FOXP1: variants seen among roughly 807,000 people sequenced by gnomAD.
FOXP1 encodes the protein forkhead box P1.
Under a neutral mutation model 98.2 loss-of-function variants are expected in FOXP1, and 15 were observed. The observed-to-expected ratio is 0.15, with a 90% CI of 0.10 to 0.24. FOXP1 has a LOEUF of 0.24. Ranked by LOEUF, FOXP1 falls within the 10% of genes least tolerant of loss-of-function variation. The pLI is 1.00. For missense variants in FOXP1, 633 were observed against 848.5 expected, an observed-to-expected ratio of 0.75 and a Z score of 3.15; for synonymous variants, 371 against 314.5, an observed-to-expected ratio of 1.18 and a Z score of -1.90.
intron 5 of FOXP1, among the ~76,000 whole-genome samples, chr3:71,246,327 G>A (rs2067748666): frequency 6.6e-6 from 1 of 152,138 alleles, no homozygotes. Flanking sequence ...CTGTGTACCA[G>A]GCATCGAGGC....
chr3:71,381,776 T>C (rs79830590), intron 3 of FOXP1, among the ~76,000 whole-genome samples: 179 of 152,200 alleles, frequency 1.2e-3, no homozygotes, highest in Non-Finnish European at 2.2e-3. Context: ...GAACTCCTTT[T>C]AGTAAATTCT....
At chr3:71,542,438 T>G (rs981998438) in intron 2 of FOXP1, among the ~76,000 whole-genome samples, 1 of 152,210 alleles carries the variant, frequency 6.6e-6, no homozygotes, top group South Asian at 2.1e-4. Flanking sequence ...GAAATCTCGT[T>G]TTTATAGCTG....
chr3:71,158,407 G>T (rs1341198693), intron 6 of FOXP1, among the ~76,000 whole-genome samples: 2 of 151,930 alleles, frequency 1.3e-5, no homozygotes, highest in Non-Finnish European at 2.9e-5. Flanking sequence ...ACAAGTTGCA[G>T]ACAAAGTTAG....
intron 11 of FOXP1, among the ~76,000 whole-genome samples, chr3:71,030,827 C>T (rs570766035): frequency 6.6e-6 from 1 of 152,264 alleles, no homozygotes; most frequent in South Asian, 2.1e-4. Context: ...AAGTAAACTG[C>T]CATTTTTCTC....
intron 4 of FOXP1, among the ~76,000 whole-genome samples, chr3:71,326,638 A>C (rs2075708749): frequency 1.3e-5 from 2 of 152,224 alleles, no homozygotes; most frequent in African/African-American, 4.8e-5. Flanking sequence ...AGCAGAATGC[A>C]ATAAAATCTT....
Position 71,029,220 on chromosome 3 carries a change from A to G in FOXP1, c.869+12108T>C, listed in dbSNP as rs560955028. On this transcript the variant is annotated intron_variant, in intron 11 of 20. Transcript: ENST00000649528. The stretch of plus-strand genomic sequence containing the variant: ...CTGAACATTTCATGTAGTCTCTGCA[A>G]TGAAATTTAGGGCCTACTATATGCC... 2.6e-5 allele frequency among the ~76,000 whole-genome samples: 4 copies of G among 152,286 alleles called. No homozygotes were observed. The South Asian group carries it at 8.3e-4, about 32-fold the overall frequency.
chr3:71,148,035 A>G (rs2060394925), intron 6 of FOXP1, among the ~76,000 whole-genome samples: 1 of 152,224 alleles, frequency 6.6e-6, no homozygotes, highest in Non-Finnish European at 1.5e-5. Flanking sequence ...GCATAAATCA[A>G]TATGGAAATA....
chr3:70,986,682 A>C (rs1270054011), intron 14 of FOXP1, among the ~76,000 whole-genome samples: 6 of 152,198 alleles, frequency 3.9e-5, no homozygotes, highest in Non-Finnish European at 7.3e-5. Context: ...ACAACAGTGA[A>C]TGACCTGGTT....
chr3:71,151,537 C>G (rs898774404), intron 6 of FOXP1, among the ~76,000 whole-genome samples: 3 of 151,820 alleles, frequency 2.0e-5, no homozygotes, highest in Non-Finnish European at 2.9e-5. Context: ...GGAAGAAACA[C>G]GAAGGAACAT....
chr3:71,486,505 G>A (rs1347423185), intron 3 of FOXP1, among the ~76,000 whole-genome samples: 4 of 152,038 alleles, frequency 2.6e-5, no homozygotes, highest in South Asian at 2.1e-4. Flanking sequence ...AAAGTCAACC[G>A]TATCATCCTA....
At chr3:71,421,780 C>T (rs1439071785) in intron 3 of FOXP1, among the ~76,000 whole-genome samples, 1 of 152,166 alleles carries the variant, frequency 6.6e-6, no homozygotes, top group Non-Finnish European at 1.5e-5. Flanking sequence ...CTCAGAATGG[C>T]TGACTTACTC....
chr3:71,551,282 A>G (rs1187516949), intron 2 of FOXP1, among the ~76,000 whole-genome samples: 2 of 152,258 alleles, frequency 1.3e-5, no homozygotes, highest in Non-Finnish European at 2.9e-5. Context: ...AAAGTGTGCT[A>G]TAAAACAAAA....
At chr3:71,324,103 C>A (rs2075547548) in intron 4 of FOXP1, among the ~76,000 whole-genome samples, 1 of 151,798 alleles carries the variant, frequency 6.6e-6, no homozygotes, top group Non-Finnish European at 1.5e-5. Flanking sequence ...ATTTATAATT[C>A]ATACTCTATG....
At chr3:71,305,593 T>C (rs2074216183) in intron 4 of FOXP1, 1 of 152,338 alleles carries the variant, frequency 6.6e-6, no homozygotes, top group South Asian at 2.1e-4. Context: ...ATCTGCAGGA[T>C]AGTTACAAAA....
chr3:71,211,189 C>A (rs905719183), intron 5 of FOXP1, among the ~76,000 whole-genome samples: 2 of 152,054 alleles, frequency 1.3e-5, no homozygotes, highest in Non-Finnish European at 2.9e-5. Context: ...CTTGCCCTAA[C>A]CCACATTTAG....
intron 5 of FOXP1, among the ~76,000 whole-genome samples, chr3:71,243,950 C>T (rs536816866): frequency 2.0e-5 from 3 of 151,934 alleles, no homozygotes; most frequent in African/African-American, 4.8e-5. Flanking sequence ...GTGAAGGTGT[C>T]CAAGGAATTA....
chr3:71,379,253 C>A (rs748597381), intron 3 of FOXP1, among the ~76,000 whole-genome samples: 10 of 152,078 alleles, frequency 6.6e-5, no homozygotes, highest in Non-Finnish European at 1.5e-4. Flanking sequence ...CCTAAGGCTC[C>A]AGACTTGAAC....
intron 4 of FOXP1, among the ~76,000 whole-genome samples, chr3:71,331,456 C>T (rs1013301946): frequency 6.9e-6 from 1 of 145,758 alleles, no homozygotes; most frequent in Non-Finnish European, 1.6e-5. Context: ...CCAGTCCCAT[C>T]GACCGCCCAA....
intron 2 of FOXP1, among the ~76,000 whole-genome samples, chr3:71,545,207 A>T (rs1191814260): frequency 6.6e-6 from 1 of 152,202 alleles, no homozygotes; most frequent in Non-Finnish European, 1.5e-5. Flanking sequence ...GAGGGAGAGA[A>T]GGACTGGTTT....
Sources: allele counts gnomAD v4.1 joint callset (sites outside exome capture counted in the v4.1 genomes callset), GRCh38; gene constraint gnomAD v4.1.1; transcripts MANE v1.5; gene names NCBI Gene and HGNC (gene_info 2026-07-23, HGNC 2026-07-21).